The following AHRR variants were observed in gnomAD, a reference collection of about 807,000 sequenced individuals.
AHRR encodes aryl hydrocarbon receptor repressor.
Under a neutral mutation model 44.0 loss-of-function variants are expected in AHRR, and 28 were observed. The observed-to-expected ratio is 0.64, with a 90% CI of 0.47 to 0.87. AHRR has a LOEUF of 0.87. Ranked by LOEUF, AHRR falls within the 40% of genes least tolerant of loss-of-function variation. AHRR has a pLI of 0.00. For synonymous variants in AHRR, 434 were observed against 407.0 expected (o/e 1.07, Z -0.80); for missense variants, 990 against 953.9 (o/e 1.04, Z -0.50).
chr5:397,246 C>T (rs1471674496), intron 4 of AHRR, among the ~76,000 whole-genome samples: 4 of 105,486 alleles, frequency 3.8e-5, no homozygotes, highest in African/African-American at 1.7e-4. Flanking sequence ...TCCACGTAGC[C>T]CCTGACCATC....
chr5:338,864 C>T lies in AHRR; in HGVS notation c.-10-5029C>T, dbSNP rs1742230078. 6.6e-6 allele frequency among the ~76,000 whole-genome samples: 1 copy of T among 152,116 alleles called. No individual in the cohort carries two copies. Among genetic ancestry groups the T allele is most frequent in the African/African-American group, 2.4e-5 (1 of 41,418 alleles). The stretch of plus-strand genomic sequence containing the variant: ...CTGTTTCTTACATTTTCTCCTAACT[C>T]CTTTCCCCTCCTATTCATTAGGGGT... On this transcript the variant is annotated intron_variant, in intron 1 of 10. Coordinates refer to ENST00000684583, the MANE Select transcript of AHRR (RefSeq NM_001377236.1). The surrounding 1 kb of genome is among the most constrained non-coding windows in gnomAD (Gnocchi z 4.1).
rs1005004299 is a variant in AHRR, at chr5:435,774, G to T, written c.*940G>T. 6.6e-6 allele frequency: 1 copy of T among 152,534 alleles called. No individual in the cohort carries two copies. The highest frequency in any genetic ancestry group is 1.9e-4 in the East Asian group (1 of 5,326). The allele number at this position is 152,534 out of a possible 1,614,324, so 9.4% of individuals were successfully genotyped here. On this transcript the variant is annotated 3_prime_UTR_variant, in exon 11 of 11. Coordinates refer to ENST00000684583, the MANE Select transcript of AHRR (RefSeq NM_001377236.1). ...TGGCTGTACAGTTCACTCAAATGAGGGTTCCCATTGCCATCCTAGGAGAAT... is the reference window on the plus strand; with the variant it reads ...TGGCTGTACAGTTCACTCAAATGAGTGTTCCCATTGCCATCCTAGGAGAAT...
intron 3 of AHRR, among the ~76,000 whole-genome samples, chr5:368,671 T>C (rs1288244539): frequency 1.3e-5 from 2 of 152,254 alleles, no homozygotes; most frequent in East Asian, 3.8e-4. Flanking sequence ...CCAGGGTGTG[T>C]TTCCTCTGCA....
chr5:374,189 G>A (rs1743695651), intron 3 of AHRR, among the ~76,000 whole-genome samples: 3 of 152,104 alleles, frequency 2.0e-5, no homozygotes, highest in Admixed American at 6.5e-5. Flanking sequence ...CGCGGACCTC[G>A]GCGGGGAGCG....
chr5:352,232 G>A (rs1742881132), intron 2 of AHRR, among the ~76,000 whole-genome samples: 1 of 152,254 alleles, frequency 6.6e-6, no homozygotes, highest in South Asian at 2.1e-4. Context: ...GGTTAAATGG[G>A]TTAGCCGTAG....
At chr5:422,510 C>T (rs979832207) in intron 5 of AHRR, 7 of 580,462 alleles carry the variant, frequency 1.2e-5, no homozygotes, top group South Asian at 3.9e-5. Flanking sequence ...CACCACTTGG[C>T]GGGCAGACGG....
intron 3 of AHRR, among the ~76,000 whole-genome samples, chr5:371,944 G>A (rs1179001819): frequency 6.6e-6 from 1 of 152,212 alleles, no homozygotes; most frequent in East Asian, 1.9e-4. Context: ...GGGATCCTGG[G>A]CCTTCCTCTC....
intron 5 of AHRR, among the ~76,000 whole-genome samples, chr5:415,125 C>T (rs1735666094): frequency 6.6e-6 from 1 of 152,266 alleles, no homozygotes; most frequent in South Asian, 2.1e-4. Flanking sequence ...GTGAGATGCG[C>T]ACCTGGAGGC....
intron 1 of AHRR, among the ~76,000 whole-genome samples, chr5:340,320 A>G (rs1261008941): frequency 6.6e-6 from 1 of 152,050 alleles, no homozygotes; most frequent in Admixed American, 6.6e-5. Flanking sequence ...GGGCTGCCAT[A>G]ACAAACTACC....
intron 4 of AHRR, among the ~76,000 whole-genome samples, chr5:390,639 C>G (rs1040154714): frequency 6.6e-6 from 1 of 152,068 alleles, no homozygotes; most frequent in African/African-American, 2.4e-5. Flanking sequence ...CCAGGAAGAT[C>G]GGAGGGCAGG....
chr5:423,811 G>A (rs745611321), intron 6 of AHRR, 30 bp from the exon 7 acceptor site: 88 of 1,569,566 alleles, frequency 5.6e-5, no homozygotes, highest in Middle Eastern at 5.5e-4. Flanking sequence ...TTCTCCCACC[G>A]CCACGCCCCT....
chr5:373,740 C>A (rs974216683), intron 3 of AHRR, among the ~76,000 whole-genome samples: 25 of 151,092 alleles, frequency 1.7e-4, no homozygotes, highest in Non-Finnish European at 2.4e-4. Flanking sequence ...TGGCCGGGTC[C>A]GCCCGCCCCG....
Position 413,322 on chromosome 5 carries a change from TTTG to T in AHRR, c.352-19_352-17del. On this transcript the variant is annotated intron_variant, in intron 4 of 10. Transcript: ENST00000684583. ...TGGGTGAGCCAATTCGATTTTTTTT[TTTG>T]TTTTGTTTTTTCTTCTAGTCTCTTA... is the stretch of plus-strand genomic sequence containing the variant. 1 of 1,555,506 alleles carries T rather than the reference TTTG, an allele frequency of 6.4e-7. No homozygotes were observed. Among genetic ancestry groups the T allele is most frequent in the African/African-American group, 1.4e-5 (1 of 72,100 alleles).
chr5:381,037 G>T (rs1733959410), intron 4 of AHRR, among the ~76,000 whole-genome samples: 1 of 152,222 alleles, frequency 6.6e-6, no homozygotes, highest in Non-Finnish European at 1.5e-5. Flanking sequence ...GGATTCTGAT[G>T]TCCAAGGGCA....
In AHRR at chr5:395,834, A is replaced by T. The variant is rs747514188; in HGVS notation, c.352-17510A>T. 2.6e-5 allele frequency among the ~76,000 whole-genome samples: 4 copies of T among 152,138 alleles called. No individual in the cohort carries two copies. Among genetic ancestry groups the T allele is most frequent in the Middle Eastern group, 3.2e-3 (1 of 316 alleles). The stretch of plus-strand genomic sequence containing the variant: ...CCTGTGAGGGACCCTTTGGGAGAGG[A>T]TTGAGTGAGGGGAACAGGAGGTGAA... On this transcript the variant is annotated intron_variant, in intron 4 of 10. Coordinates refer to ENST00000684583, the MANE Select transcript of AHRR (RefSeq NM_001377236.1). The surrounding 1 kb of genome is among the most constrained non-coding windows in gnomAD (Gnocchi z 5.3).
chr5:329,104 G>T (rs1177245779), intron 1 of AHRR, among the ~76,000 whole-genome samples: 1 of 152,090 alleles, frequency 6.6e-6, no homozygotes, highest in Non-Finnish European at 1.5e-5. Flanking sequence ...TTTGATAAAT[G>T]GTAGTTTTTC....
At chr5:400,742 A>T (rs1051493667) in intron 4 of AHRR, among the ~76,000 whole-genome samples, 5 of 151,970 alleles carry the variant, frequency 3.3e-5, no homozygotes, top group African/African-American at 1.2e-4. Flanking sequence ...TATGGTCTTT[A>T]AAAAAAAATT....
chr5:344,701 G>A lies in AHRR; in HGVS notation c.62+737G>A, dbSNP rs1341195593. Among the ~76,000 whole-genome samples the A allele has an allele frequency of 1.6e-3, 32 of 19,592 alleles. 6 individuals are homozygous for A. The highest frequency in any genetic ancestry group is 4.8e-3 in the African/African-American group (12 of 2,516). The allele number at this position is 19,592 out of a possible 152,430, so 12.9% of individuals were successfully genotyped here. On this transcript the variant is annotated intron_variant, in intron 2 of 10. Transcript: ENST00000684583. Reference sequence around the variant, plus strand: ...GGGTGTGTGTGTGTGAGGCTGTGGGGGGCTGTGTGTGGGGTGTGTGTGTGA... The same window carrying A: ...GGGTGTGTGTGTGTGAGGCTGTGGGAGGCTGTGTGTGGGGTGTGTGTGTGA...
intron 4 of AHRR, among the ~76,000 whole-genome samples, chr5:400,335 C>T (rs1419858238): frequency 6.6e-6 from 1 of 152,190 alleles, no homozygotes; most frequent in Non-Finnish European, 1.5e-5. Context: ...GCCCCATTCC[C>T]TGCGGTCCCT....
Sources: allele counts gnomAD v4.1 joint callset (sites outside exome capture counted in the v4.1 genomes callset), GRCh38; gene constraint gnomAD v4.1.1; non-coding constraint Gnocchi (gnomAD v3.1); transcripts MANE v1.5; gene names NCBI Gene and HGNC (gene_info 2026-07-23, HGNC 2026-07-21).